Variants in LYRM4 observed in about 807,000 individuals in gnomAD.
LYRM4 encodes LYR motif-containing protein 4.
Under a neutral mutation model 11.7 loss-of-function variants are expected in LYRM4, and 9 were observed. The observed-to-expected ratio is 0.77, with a 90% CI of 0.46 to 1.34. The LOEUF (loss-of-function observed/expected upper bound fraction) is 1.34. LYRM4 is among the 40% of genes most tolerant of loss of function. LYRM4 has a pLI of 0.00. For synonymous variants in LYRM4, 42 were observed against 40.4 expected (o/e 1.04, Z -0.15); for missense variants, 133 against 112.5 (o/e 1.18, Z -0.82).
intron 1 of LYRM4, among the ~76,000 whole-genome samples, chr6:5,248,119 C>T (rs1015760333): frequency 2.0e-5 from 3 of 152,226 alleles, no homozygotes; most frequent in African/African-American, 4.8e-5. Flanking sequence ...GTGTCCTCTA[C>T]GTTTGATGCT....
chr6:5,093,268 T>C, the LYRM4 span, among the ~76,000 whole-genome samples: 9 of 152,270 alleles, frequency 5.9e-5, no homozygotes, highest in Non-Finnish European at 1.2e-4. Flanking sequence ...TTTTTGTTTT[T>C]TGTTTTCTGG....
At chr6:5,179,067 A>AAAC (rs368545887) in intron 2 of LYRM4, among the ~76,000 whole-genome samples, 3 of 13,450 alleles carry the variant, frequency 2.2e-4, no homozygotes, top group African/African-American at 8.4e-4. Context: ...CAAAAAAACA[A>AAAC]AAAAAAAAAA....
chr6:5,206,316 T>A (rs745695200), intron 2 of LYRM4, among the ~76,000 whole-genome samples: 4 of 151,980 alleles, frequency 2.6e-5, no homozygotes, highest in East Asian at 1.9e-4. Context: ...CAGTGGGGGG[T>A]GGGAGCAGAA....
chr6:5,032,436 A>AT, the LYRM4 span: 1 of 152,250 alleles, frequency 6.6e-6, no homozygotes, highest in Non-Finnish European at 1.5e-5. Flanking sequence ...ATACAGTTTA[A>AT]TGAGTTATGA....
At chr6:5,111,181 T>C (rs1437101364) in intron 2 of LYRM4, among the ~76,000 whole-genome samples, 1 of 152,084 alleles carries the variant, frequency 6.6e-6, no homozygotes, top group Non-Finnish European at 1.5e-5. Context: ...CAAATGATAT[T>C]GAGAAAAGAA....
chr6:5,199,058 T>A (rs967308054), intron 2 of LYRM4, among the ~76,000 whole-genome samples: 1 of 152,206 alleles, frequency 6.6e-6, no homozygotes, highest in Non-Finnish European at 1.5e-5. Flanking sequence ...CTTCTAAGTA[T>A]ATATACAAGA....
intron 2 of LYRM4, among the ~76,000 whole-genome samples, chr6:5,210,697 T>C (rs1434086852): frequency 6.6e-6 from 1 of 152,204 alleles, no homozygotes; most frequent in East Asian, 1.9e-4. Flanking sequence ...GCCCCTGTTA[T>C]TCATCATTCT....
At chr6:5,256,466 G>A (rs1369507672) in intron 1 of LYRM4, among the ~76,000 whole-genome samples, 1 of 110,794 alleles carries the variant, frequency 9.0e-6, no homozygotes, top group African/African-American at 3.6e-5. Context: ...CTCCAGCCTG[G>A]GCAACAAGGG....
At chr6:5,260,598 T>TACCCCGG in intron 1 of LYRM4, 50 bp downstream of exon 1, 4 of 1,105,568 alleles carry the variant, frequency 3.6e-6, no homozygotes, top group African/African-American at 1.7e-5. Context: ...GCACCCCCGG[T>TACCCCGG]CCCCGGCCCC....
chr6:5,105,976 A>C (rs556975736), downstream of LYRM4: 1 of 152,248 alleles, frequency 6.6e-6, no homozygotes, highest in African/African-American at 2.4e-5. Context: ...GCATGGAACT[A>C]CCCTCTCCCC....
At chr6:5,131,077 A>C (rs747765903) in intron 2 of LYRM4, among the ~76,000 whole-genome samples, 11 of 152,312 alleles carry the variant, frequency 7.2e-5, no homozygotes, top group Non-Finnish European at 1.5e-4. Context: ...AAATCAAGGG[A>C]TGAGTTAAGA....
intron 1 of LYRM4, among the ~76,000 whole-genome samples, chr6:5,230,849 C>T (rs1763196432): frequency 6.6e-6 from 1 of 152,190 alleles, no homozygotes; most frequent in Non-Finnish European, 1.5e-5. Flanking sequence ...CAGTCATCTA[C>T]CTTCTTCTGG....
At chr6:5,096,247 TG>T in the LYRM4 span, among the ~76,000 whole-genome samples, 4 of 152,142 alleles carry the variant, frequency 2.6e-5, no homozygotes, top group Admixed American at 2.0e-4. Flanking sequence ...CTCAGCACTT[TG>T]GGAAACTGAG....
the LYRM4 span, among the ~76,000 whole-genome samples, chr6:5,049,625 G>A: frequency 6.6e-6 from 1 of 151,870 alleles, no homozygotes; most frequent in Non-Finnish European, 1.5e-5. Context: ...CTCCTTGAGT[G>A]AGAAACTAAA....
At chr6:5,056,635 A>G in the LYRM4 span, among the ~76,000 whole-genome samples, 4 of 152,254 alleles carry the variant, frequency 2.6e-5, no homozygotes, top group African/African-American at 4.8e-5. Context: ...TGATCTCATC[A>G]TAAAAGTCTT....
At chr6:5,118,002 A>G (rs1228820255) in intron 2 of LYRM4, among the ~76,000 whole-genome samples, 1 of 151,586 alleles carries the variant, frequency 6.6e-6, no homozygotes, top group African/African-American at 2.4e-5. Context: ...TATTTTTAAG[A>G]CACTGCACTT....
At chr6:5,259,798 A>AAAAAC (rs751177282) in intron 1 of LYRM4, among the ~76,000 whole-genome samples, 26 of 142,676 alleles carry the variant, frequency 1.8e-4, no homozygotes, top group Non-Finnish European at 3.5e-4. Context: ...GGTAGTTAGT[A>AAAAAC]AAAACAAAAC....
At chr6:5,239,188 G>A (rs1265201131) in intron 1 of LYRM4, among the ~76,000 whole-genome samples, 1 of 152,176 alleles carries the variant, frequency 6.6e-6, no homozygotes, top group Non-Finnish European at 1.5e-5. Context: ...AGAAGGTCCG[G>A]CAAGGGAAAT....
At chr6:5,058,737 G>T in the LYRM4 span, among the ~76,000 whole-genome samples, 1 of 151,992 alleles carries the variant, frequency 6.6e-6, no homozygotes, top group Non-Finnish European at 1.5e-5. Flanking sequence ...TGCTTGATTC[G>T]GTTTTACAGC....
Sources: allele counts gnomAD v4.1 joint callset (sites outside exome capture counted in the v4.1 genomes callset), GRCh38; gene constraint gnomAD v4.1.1; transcripts MANE v1.5; gene names NCBI Gene and HGNC (gene_info 2026-07-23, HGNC 2026-07-21).